The following PCDH7 variants were observed in gnomAD, a reference collection of about 807,000 sequenced individuals.
The protein encoded by PCDH7 is protocadherin 7, also known as protocadherin-7.
Under a neutral mutation model 58.9 loss-of-function variants are expected in PCDH7, and 17 were observed. The ratio of observed to expected loss-of-function variants is 0.29; its 90% CI spans 0.20 to 0.43. PCDH7 has a LOEUF of 0.43. PCDH7 is among the 20% of genes least tolerant of loss of function. The probability of loss-of-function intolerance (pLI) is 1.00; values close to 1 mark genes in which losing one functional copy is unlikely to be tolerated. For missense variants in PCDH7, 1,274 were observed against 1,441.0 expected, an observed-to-expected ratio of 0.88 and a Z score of 1.88; for synonymous variants, 664 against 616.4, an observed-to-expected ratio of 1.08 and a Z score of -1.14.
At chr4:31,087,745 G>T (rs1045141322) in intron 3 of PCDH7, among the ~76,000 whole-genome samples, 4 of 152,048 alleles carry the variant, frequency 2.6e-5, no homozygotes, top group Non-Finnish European at 4.4e-5. Context: ...TCTTGTCGCC[G>T]TTTTTGCATT....
intron 2 of PCDH7, among the ~76,000 whole-genome samples, chr4:30,934,148 A>G (rs1247603491): frequency 1.3e-5 from 2 of 152,222 alleles, no homozygotes; most frequent in Non-Finnish European, 2.9e-5. Context: ...ATGAAGATCT[A>G]AAATCTAATT....
At chr4:31,064,875 T>C (rs1757961130) in intron 3 of PCDH7, among the ~76,000 whole-genome samples, 1 of 151,950 alleles carries the variant, frequency 6.6e-6, no homozygotes, top group South Asian at 2.1e-4. Flanking sequence ...ACACACACTA[T>C]ACTTGTGCAA....
chr4:30,920,236 G>T (rs991630311), exon 2 of PCDH7: 1 of 1,367,736 alleles, frequency 7.3e-7, no homozygotes, highest in Admixed American at 1.9e-5. Flanking sequence ...ATGACAGCGG[G>T]CTGGAGGAGT....
intron 3 of PCDH7, among the ~76,000 whole-genome samples, chr4:31,124,047 T>C (rs1490658769): frequency 6.6e-6 from 1 of 152,034 alleles, no homozygotes; most frequent in Non-Finnish European, 1.5e-5. Flanking sequence ...TTTTTATGGG[T>C]ACAGGGTGAG....
chr4:31,091,711 T>C (rs1384722113), intron 3 of PCDH7, among the ~76,000 whole-genome samples: 1 of 151,976 alleles, frequency 6.6e-6, no homozygotes, highest in African/African-American at 2.4e-5. Context: ...GTGAGGAACA[T>C]TTACTGAACC....
chr4:31,077,397 G>A (rs1162229698), intron 3 of PCDH7, among the ~76,000 whole-genome samples: 38 of 112,696 alleles, frequency 3.4e-4, no homozygotes, highest in African/African-American at 1.2e-3. Context: ...CAACAAGAGC[G>A]AAACTCCATC....
At chr4:30,915,287 A>G (rs766181173) in intron 1 of PCDH7, among the ~76,000 whole-genome samples, 2 of 152,124 alleles carry the variant, frequency 1.3e-5, no homozygotes, top group African/African-American at 4.8e-5. Context: ...TTCTCCATTG[A>G]TTGACAAGCC....
chr4:30,914,415 A>G (rs1742157212), intron 1 of PCDH7, among the ~76,000 whole-genome samples: 1 of 152,238 alleles, frequency 6.6e-6, no homozygotes, highest in South Asian at 2.1e-4. Flanking sequence ...TAGTTGATAA[A>G]TACCATTCCA....
At chr4:31,078,676 T>G (rs1259878747) in intron 3 of PCDH7, among the ~76,000 whole-genome samples, 1 of 120,768 alleles carries the variant, frequency 8.3e-6, no homozygotes, top group East Asian at 3.0e-4. Context: ...CAATCAAACA[T>G]CCTAAATGTA....
At chr4:30,937,790 T>C (rs377566453) in intron 2 of PCDH7, among the ~76,000 whole-genome samples, 2 of 151,692 alleles carry the variant, frequency 1.3e-5, no homozygotes, top group East Asian at 3.9e-4. Flanking sequence ...AATATAAGGG[T>C]ATTATGGGAT....
At chr4:31,028,499 A>T (rs1754629000) in intron 3 of PCDH7, among the ~76,000 whole-genome samples, 1 of 152,258 alleles carries the variant, frequency 6.6e-6, no homozygotes, top group Non-Finnish European at 1.5e-5. Flanking sequence ...ATAAAATAAA[A>T]TTTAAAAATT....
At chr4:31,074,697 T>A (rs947120172) in intron 3 of PCDH7, among the ~76,000 whole-genome samples, 1 of 147,764 alleles carries the variant, frequency 6.8e-6, no homozygotes. Context: ...GGCAGTAGAA[T>A]TGCTTGAACC....
intron 1 of PCDH7, among the ~76,000 whole-genome samples, chr4:30,896,187 T>C (rs1739372224): frequency 6.6e-6 from 1 of 152,232 alleles, no homozygotes; most frequent in Admixed American, 6.5e-5. Context: ...TTTTGGACCG[T>C]AAATTTGGTG....
chr4:31,015,350 T>C (rs905032820), intron 3 of PCDH7, among the ~76,000 whole-genome samples: 1 of 152,172 alleles, frequency 6.6e-6, no homozygotes, highest in Admixed American at 6.5e-5. Flanking sequence ...CTTACAGAGG[T>C]GTACTGTGAA....
intron 3 of PCDH7, among the ~76,000 whole-genome samples, chr4:31,072,019 T>G (rs1758584532): frequency 6.6e-6 from 1 of 152,066 alleles, no homozygotes; most frequent in African/African-American, 2.4e-5. Context: ...AGCTTGGACA[T>G]GTAATGAAGT....
At chr4:30,731,271 G>GA (rs1234459450) in exon 2 of PCDH7, 1 of 453,354 alleles carries the variant, frequency 2.2e-6, no homozygotes, top group Non-Finnish European at 2.9e-6. Context: ...TAGAGTGAAG[G>GA]ATAATATCTT....
intron 3 of PCDH7, among the ~76,000 whole-genome samples, chr4:31,103,674 A>G (rs913513218): frequency 6.6e-6 from 1 of 152,122 alleles, no homozygotes; most frequent in Non-Finnish European, 1.5e-5. Context: ...GATTCTCTCT[A>G]GCTGACTGTC....
intron 1 of PCDH7, among the ~76,000 whole-genome samples, chr4:30,888,340 G>A (rs73108229): frequency 0.014 from 2,175 of 152,034 alleles, 51 homozygotes; most frequent in African/African-American, 0.048. Flanking sequence ...ATAATAGAAG[G>A]GCAGGTTGAA....
chr4:30,863,761 C>A (rs983967559), intron 1 of PCDH7, among the ~76,000 whole-genome samples: 5 of 152,100 alleles, frequency 3.3e-5, no homozygotes, highest in Middle Eastern at 3.4e-3. Context: ...AAATTTCATC[C>A]ACACAAAAAA....
Sources: gnomAD v4.1 joint callset for allele counts (sites outside exome capture counted in the v4.1 genomes callset) on GRCh38, gnomAD v4.1.1 for gene constraint, MANE v1.5 for transcripts, NCBI Gene and HGNC (gene_info 2026-07-23, HGNC 2026-07-21) for gene names.